The following NRXN3 variants were observed in gnomAD, a reference collection of about 807,000 sequenced individuals.
NRXN3 encodes the protein neurexin III.
A neutral mutation model predicts 137.6 loss-of-function variants in NRXN3; 32 were observed. The ratio of observed to expected loss-of-function variants is 0.23; its 90% CI spans 0.18 to 0.31. The LOEUF is 0.31. Ranked by LOEUF, NRXN3 falls within the 10% of genes least tolerant of loss-of-function variation. The pLI, the probability that NRXN3 is intolerant of heterozygous loss-of-function variation, is 1.00. For synonymous variants in NRXN3, 798 were observed against 784.5 expected (o/e 1.02, Z -0.29); for missense variants, 1,574 against 2,062.5 (o/e 0.76, Z 4.59).
In NRXN3 at chr14:79,410,513, C is replaced by T. The variant is rs200508712; in HGVS notation, c.3263-56708C>T. 4.1e-4 allele frequency among the ~76,000 whole-genome samples: 60 copies of T among 148,140 alleles called. No homozygotes were observed. In the East Asian group the frequency reaches 5.2e-3, roughly 13 times the overall value. ...TAGAGAACTTAAAGCTTTTTCTTTTCCAGGAATGGCCAAAATATCCAGAAG... is the reference window on the plus strand; with the variant it reads ...TAGAGAACTTAAAGCTTTTTCTTTTTCAGGAATGGCCAAAATATCCAGAAG... On this transcript the variant is annotated intron_variant, in intron 15 of 20. Coordinates refer to ENST00000335750, the MANE Select transcript of NRXN3 (RefSeq NM_001330195.2).
chr14:78,201,695 C>G lies in NRXN3; in HGVS notation c.-704+31021C>G, dbSNP rs182705800. 2.9e-3 allele frequency among the ~76,000 whole-genome samples: 448 copies of G among 152,250 alleles called. 4 individuals are homozygous for G. Among genetic ancestry groups the G allele is most frequent in the African/African-American group, 0.01 (424 of 41,534 alleles). On this transcript the variant is annotated intron_variant, in intron 1 of 20. Transcript: ENST00000335750. ...GTCAACCCGTTGCATATGTTTGCTA[C>G]ACGAAGGAGCTGCTGACAAGTCTCG...
Position 78,202,902 on chromosome 14 carries a change from AG to A in NRXN3, c.-704+32232del, listed in dbSNP as rs1203328702. Among the ~76,000 whole-genome samples the A allele has an allele frequency of 5.3e-5, 8 of 152,222 alleles. No individual in the cohort carries two copies. The East Asian group carries it at 1.5e-3, about 29-fold the overall frequency. ...TTCTGTATTACATATGAGGACACAG[AG>A]GGGCAGAGCCATTAGAACACTAGAA... On this transcript the variant is annotated intron_variant, in intron 1 of 20. Coordinates refer to ENST00000335750, the MANE Select transcript of NRXN3 (RefSeq NM_001330195.2).
At chr14:78,652,948 A>G (rs1038160482) in intron 6 of NRXN3, among the ~76,000 whole-genome samples, 1 of 152,222 alleles carries the variant, frequency 6.6e-6, no homozygotes, top group African/African-American at 2.4e-5. Flanking sequence ...TAAATGCTCT[A>G]ATTGAGTAGA....
At chr14:79,555,363 G>T (rs574991682) in intron 16 of NRXN3, among the ~76,000 whole-genome samples, 5 of 152,072 alleles carry the variant, frequency 3.3e-5, no homozygotes, top group Admixed American at 1.3e-4. Context: ...ACACTACTTG[G>T]TGTTTTATCC....
intron 4 of NRXN3, among the ~76,000 whole-genome samples, chr14:78,319,538 G>A (rs2079084086): frequency 6.6e-6 from 1 of 152,178 alleles, no homozygotes; most frequent in Admixed American, 6.5e-5. Context: ...ATTATCAATA[G>A]GAAACTCATG....
intron 19 of NRXN3, among the ~76,000 whole-genome samples, chr14:79,784,326 A>AC (rs935922476): frequency 3.8e-4 from 58 of 152,162 alleles, no homozygotes; most frequent in African/African-American, 1.4e-3. Flanking sequence ...AAGGGGTTTT[A>AC]CCTTTTACCT....
At chr14:79,350,753 G>A (rs1302048640) in intron 15 of NRXN3, among the ~76,000 whole-genome samples, 1 of 152,048 alleles carries the variant, frequency 6.6e-6, no homozygotes, top group African/African-American at 2.4e-5. Context: ...TACATGGTTA[G>A]GTCAGTGGCA....
chr14:78,655,786 C>T (rs556210046), intron 6 of NRXN3, among the ~76,000 whole-genome samples: 57 of 152,292 alleles, frequency 3.7e-4, no homozygotes, highest in South Asian at 1.5e-3. Context: ...GTATCATAGG[C>T]TGAGTGGCTT....
chr14:79,786,553 C>T (rs76471275), intron 19 of NRXN3, among the ~76,000 whole-genome samples: 3,251 of 152,232 alleles, frequency 0.021, 98 homozygotes, highest in African/African-American at 0.062. Context: ...CTTATGAAGG[C>T]ATTTAAAACC....
At chr14:78,660,276 T>TATATATATATATATATATATATA (rs1566997203) in intron 6 of NRXN3, among the ~76,000 whole-genome samples, 11 of 150,308 alleles carry the variant, frequency 7.3e-5, no homozygotes, top group East Asian at 3.9e-4. Flanking sequence ...TATATATATA[T>TATATATATATATATATATATATA]TTGGCAACTG....
intron 16 of NRXN3, among the ~76,000 whole-genome samples, chr14:79,593,156 G>A (rs1212331827): frequency 1.3e-5 from 2 of 151,882 alleles, no homozygotes; most frequent in Non-Finnish European, 2.9e-5. Flanking sequence ...ACTGTTCACT[G>A]TGAGAAAACT....
At chr14:79,432,128 T>TTTC (rs10640565) in intron 15 of NRXN3, among the ~76,000 whole-genome samples, 151,259 of 152,200 alleles carry the variant, frequency 0.99, 75,172 homozygotes, top group East Asian at 1. Flanking sequence ...CAATCATTTT[T>TTTC]TTTAGTTTTG....
intron 15 of NRXN3, among the ~76,000 whole-genome samples, chr14:79,089,974 C>A (rs2048857630): frequency 6.6e-6 from 1 of 152,100 alleles, no homozygotes; most frequent in Non-Finnish European, 1.5e-5. Context: ...TTTAAATAAT[C>A]ATAAAACTCA....
chr14:79,622,323 T>C (rs1409298868), intron 16 of NRXN3, among the ~76,000 whole-genome samples: 1 of 152,218 alleles, frequency 6.6e-6, no homozygotes, highest in Non-Finnish European at 1.5e-5. Flanking sequence ...AAGTAAAACC[T>C]GAAGAATCTT....
chr14:78,475,425 G>GC lies in NRXN3; in HGVS notation c.758-169694dup, dbSNP rs146409090. Among the ~76,000 whole-genome samples the GC allele has an allele frequency of 1.6e-3, 243 of 152,282 alleles. 1 individual carries two copies. The highest frequency in any genetic ancestry group is 5.6e-3 in the African/African-American group (231 of 41,570). On this transcript the variant is annotated intron_variant, in intron 4 of 20. Transcript: ENST00000335750. ...TGATTCATGGTACCCAGAGCATGTT[G>GC]CATGTTGTGCTGACTGCTTTATGAC... is the stretch of plus-strand genomic sequence containing the variant.
intron 4 of NRXN3, among the ~76,000 whole-genome samples, chr14:78,618,485 G>C (rs1388843262): frequency 6.6e-6 from 1 of 152,130 alleles, no homozygotes; most frequent in Non-Finnish European, 1.5e-5. Flanking sequence ...GTTAGCTGAA[G>C]GGCAATGTCA....
intron 4 of NRXN3, among the ~76,000 whole-genome samples, chr14:78,586,443 A>T (rs2097063207): frequency 6.6e-6 from 1 of 152,246 alleles, no homozygotes; most frequent in Admixed American, 6.5e-5. Flanking sequence ...TAAGGACGGT[A>T]GTAGCACAGG....
chr14:78,912,938 A>T (rs1360730589), intron 10 of NRXN3, among the ~76,000 whole-genome samples: 1 of 152,144 alleles, frequency 6.6e-6, no homozygotes, highest in Non-Finnish European at 1.5e-5. Context: ...GTGTTTATTC[A>T]TTCCTTGTTC....
At chr14:78,302,869 A>G (rs112153879) in intron 4 of NRXN3, among the ~76,000 whole-genome samples, 52 of 152,304 alleles carry the variant, frequency 3.4e-4, no homozygotes, top group African/African-American at 1.3e-3. Context: ...TGTCTCTTGC[A>G]TCTCTGCTGT....
Sources: allele counts gnomAD v4.1 joint callset (sites outside exome capture counted in the v4.1 genomes callset), GRCh38; gene constraint gnomAD v4.1.1; transcripts MANE v1.5; gene names NCBI Gene and HGNC (gene_info 2026-07-23, HGNC 2026-07-21).